Variants in CAP1 observed in about 807,000 individuals in gnomAD.
The protein encoded by CAP1 is cyclase associated actin cytoskeleton regulatory protein 1.
A neutral mutation model predicts 58.2 loss-of-function variants in CAP1; 11 were observed. The ratio of observed to expected loss-of-function variants is 0.19; its 90% CI spans 0.12 to 0.31. The LOEUF (loss-of-function observed/expected upper bound fraction) is 0.31, where lower values mean the gene tolerates loss of function less well. Ranked by LOEUF, CAP1 falls within the 10% of genes least tolerant of loss-of-function variation. The pLI is 1.00. For missense variants in CAP1, 423 were observed against 587.5 expected (o/e 0.72, Z 2.89); for synonymous variants, 183 against 213.8 (o/e 0.86, Z 1.26).
intron 8 of CAP1, 179 bp from the exon 9 acceptor site, chr1:40,069,511 T>G: frequency 1.6e-6 from 1 of 630,244 alleles, no homozygotes; most frequent in Non-Finnish European, 2.8e-6. Context: ...TGGAACCATA[T>G]AATTTAATCT....
intron 1 of CAP1, among the ~76,000 whole-genome samples, chr1:40,055,195 G>A (rs757091007): frequency 1.8e-4 from 28 of 152,100 alleles, no homozygotes; most frequent in Non-Finnish European, 2.9e-4. Flanking sequence ...AAGTAGTCCC[G>A]GGTTGCTGTA....
chr1:40,041,648 G>A (rs907239330), intron 1 of CAP1, among the ~76,000 whole-genome samples: 9 of 152,258 alleles, frequency 5.9e-5, no homozygotes, highest in South Asian at 2.1e-4. Flanking sequence ...TAAATTCAGC[G>A]TAACAAATTG....
chr1:40,054,687 G>A (rs919382253), intron 1 of CAP1, among the ~76,000 whole-genome samples: 1 of 151,992 alleles, frequency 6.6e-6, no homozygotes, highest in Non-Finnish European at 1.5e-5. Flanking sequence ...TGTCACCCAG[G>A]CTGGAGTGCA....
At chr1:40,069,920 A>G (rs768792606) in intron 9 of CAP1, 46 bp downstream of exon 9, 68 of 1,496,742 alleles carry the variant, frequency 4.5e-5, no homozygotes, top group Non-Finnish European at 5.8e-5. Flanking sequence ...TTATTATTTT[A>G]TTTTTTTGAG....
At chr1:40,071,342 C>A in intron 12 of CAP1, 108 bp from the exon 13 acceptor site, 1 of 747,928 alleles carries the variant, frequency 1.3e-6, no homozygotes, top group South Asian at 1.7e-5. Context: ...TACATTGTAC[C>A]GTGCTCCTGG....
chr1:40,053,434 C>T (rs1646469609), intron 1 of CAP1, among the ~76,000 whole-genome samples: 1 of 152,062 alleles, frequency 6.6e-6, no homozygotes, highest in South Asian at 2.1e-4. Flanking sequence ...TCTTTACTCA[C>T]TAGTTGTTTG....
At chr1:40,049,619 A>G (rs1287851561) in intron 1 of CAP1, among the ~76,000 whole-genome samples, 1 of 152,122 alleles carries the variant, frequency 6.6e-6, no homozygotes, top group African/African-American at 2.4e-5. Flanking sequence ...TCATGACTTC[A>G]TGACAGTTCT....
chr1:40,065,934 GAAA>G (rs571719162), intron 6 of CAP1, among the ~76,000 whole-genome samples: 1 of 147,966 alleles, frequency 6.8e-6, no homozygotes, highest in Non-Finnish European at 1.5e-5. Context: ...GTGGTCAAAA[GAAA>G]AAAAAAAGTT....
intron 6 of CAP1, among the ~76,000 whole-genome samples, chr1:40,065,972 A>G (rs1456441335): frequency 2.6e-5 from 4 of 152,216 alleles, no homozygotes; most frequent in Admixed American, 6.5e-5. Context: ...AGTTTGAGAA[A>G]CATTGCTATG....
chr1:40,046,480 CAA>C (rs77538985), intron 1 of CAP1, among the ~76,000 whole-genome samples: 15 of 151,846 alleles, frequency 9.9e-5, no homozygotes, highest in Non-Finnish European at 1.6e-4. Context: ...CAAAACAAAA[CAA>C]AAAAAAACAA....
intron 7 of CAP1, among the ~76,000 whole-genome samples, chr1:40,066,929 G>T (rs1176920282): frequency 1.3e-5 from 2 of 152,170 alleles, no homozygotes; most frequent in East Asian, 3.8e-4. Flanking sequence ...TTTGGGATGA[G>T]GTATTTGAGC....
chr1:40,069,649 T>G (rs543606897), intron 8 of CAP1, 41 bp from the exon 9 acceptor site: 1 of 1,558,622 alleles, frequency 6.4e-7, no homozygotes, highest in East Asian at 2.3e-5. Flanking sequence ...CTCAAAGGTC[T>G]GGTATGAAGG....
chr1:40,044,585 C>T (rs1377443163), intron 1 of CAP1, among the ~76,000 whole-genome samples: 4 of 152,026 alleles, frequency 2.6e-5, no homozygotes, highest in Non-Finnish European at 4.4e-5. Flanking sequence ...AGAATAAATT[C>T]TGAACTCTTT....
At chr1:40,070,055 A>G (rs1216722420) in intron 9 of CAP1, 104 bp from the exon 10 acceptor site, 5 of 1,521,794 alleles carry the variant, frequency 3.3e-6, no homozygotes, top group Non-Finnish European at 4.5e-6. Context: ...AGATGAGGGC[A>G]GAGTTCTGGC....
At chr1:40,060,402 C>CTTGGTACATAAAATATGGT (rs1553163673) in intron 3 of CAP1, among the ~76,000 whole-genome samples, 1 of 152,064 alleles carries the variant, frequency 6.6e-6, no homozygotes, top group Non-Finnish European at 1.5e-5. Context: ...AGAAAGCTTG[C>CTTGGTACATAAAATATGGT]TTGGTACATA....
At chr1:40,055,643 A>G (rs1231870913) in intron 1 of CAP1, among the ~76,000 whole-genome samples, 2 of 152,126 alleles carry the variant, frequency 1.3e-5, no homozygotes, top group African/African-American at 4.8e-5. Context: ...GGTAGCTGGG[A>G]CCACAGCTGT....
chr1:40,069,496 G>T (rs1647388611), intron 8 of CAP1, 194 bp from the exon 9 acceptor site: 1 of 598,688 alleles, frequency 1.7e-6, no homozygotes, highest in South Asian at 2.0e-5. Context: ...CCATGTTGTT[G>T]TTAATGGAAC....
At chr1:40,060,032 G>A (rs1381326062) in intron 2 of CAP1, 35 bp from the exon 3 acceptor site, 1 of 1,549,492 alleles carries the variant, frequency 6.5e-7, no homozygotes, top group African/African-American at 1.4e-5. Flanking sequence ...TCCTTCTGAT[G>A]CATGGCTGAT....
chr1:40,071,322 T>C (rs770801676), intron 12 of CAP1, 128 bp from the exon 13 acceptor site: 28 of 663,104 alleles, frequency 4.2e-5, no homozygotes, highest in Non-Finnish European at 6.7e-5. Context: ...TCTGTGGGTT[T>C]GTCTCTTGCT....
Sources: gnomAD v4.1 joint callset for allele counts (sites outside exome capture counted in the v4.1 genomes callset) on GRCh38, gnomAD v4.1.1 for gene constraint, MANE v1.5 for transcripts, NCBI Gene and HGNC (gene_info 2026-07-23, HGNC 2026-07-21) for gene names.